Variants in PRR11 observed in about 807,000 individuals in gnomAD.
The protein encoded by PRR11 is proline-rich protein 11.
In PRR11, 30 loss-of-function variants were observed where a neutral mutation model predicts 45.6. The ratio of observed to expected loss-of-function variants is 0.66; its 90% CI spans 0.49 to 0.89. The LOEUF (loss-of-function observed/expected upper bound fraction) is 0.89, where lower values mean the gene tolerates loss of function less well. PRR11 is among the 40% of genes least tolerant of loss of function. The pLI is 0.00. For synonymous variants in PRR11, 128 were observed against 153.5 expected, an observed-to-expected ratio of 0.83 and a Z score of 1.23; for missense variants, 373 against 424.8, an observed-to-expected ratio of 0.88 and a Z score of 1.07.
chr17:59,160,202 C>T (rs2046644619), intron 1 of PRR11, among the ~76,000 whole-genome samples: 1 of 152,028 alleles, frequency 6.6e-6, no homozygotes, highest in Admixed American at 6.6e-5. Flanking sequence ...AAGTAAGTTC[C>T]TATTAATATT....
chr17:59,174,617 T>C (rs2046732083), intron 2 of PRR11, among the ~76,000 whole-genome samples: 1 of 152,158 alleles, frequency 6.6e-6, no homozygotes, highest in African/African-American at 2.4e-5. Context: ...TGTATTTTTA[T>C]GGAGAGGGGA....
In PRR11 at chr17:59,169,614, C is replaced by T. The variant is rs901721404; in HGVS notation, c.-5-134C>T. The T allele has an allele frequency of 5.1e-6, 4 of 780,842 alleles. No homozygotes were observed. The African/African-American group carries it at 7.0e-5, about 14-fold the overall frequency. The allele number at this position is 780,842 out of a possible 1,614,324, so 48.4% of individuals were successfully genotyped here. On this transcript the variant is annotated intron_variant, in intron 1 of 9. Coordinates refer to ENST00000262293, the MANE Select transcript of PRR11 (RefSeq NM_018304.4). Reference sequence around the variant, plus strand: ...GCTCTTCTGGGATGCTGGTAGTGACCTATTTCTTAACCAAGATGGTGGTTT... The same window carrying T: ...GCTCTTCTGGGATGCTGGTAGTGACTTATTTCTTAACCAAGATGGTGGTTT...
chr17:59,185,536 T>C lies in PRR11; in HGVS notation c.376T>C (p.Leu126=), dbSNP rs149771036. 5 of 1,610,534 alleles carry C rather than the reference T, an allele frequency of 3.1e-6. No homozygotes were observed. The highest frequency in any genetic ancestry group is 4.2e-6 in the Non-Finnish European group (5 of 1,179,064). The change falls in exon 4 of 10, where the codon TTA becomes CTA. Residue 126 remains leucine, a synonymous_variant. Coordinates refer to ENST00000262293, the MANE Select transcript of PRR11 (RefSeq NM_018304.4). ...ACAGTTTTGCATTTTGGAAAGTAAA[T>C]TATGCAAGCTCCAGGAAGCACTGAA... ...KQQFCILESK[L]CKLQEALKTI...
At chr17:59,185,015 T>A in intron 2 of PRR11, 39 bp from the exon 3 acceptor site, 1 of 1,591,500 alleles carries the variant, frequency 6.3e-7, no homozygotes, top group Non-Finnish European at 8.6e-7. Context: ...TATTCTGACT[T>A]AGGGGTTTTT....
Position 59,205,084 on chromosome 17 carries a change from A to G in PRR11, c.*3453A>G, listed in dbSNP as rs943603384. Among the ~76,000 whole-genome samples the G allele has an allele frequency of 6.6e-6, 1 of 152,194 alleles. No homozygotes were observed. The highest frequency in any genetic ancestry group is 1.5e-5 in the Non-Finnish European group (1 of 68,034). ...ATAATGAGGCCAGGCAAAAAAAAAAAAGTCCTGTGGAAATCATATAGACAA... is the reference window on the plus strand; with the variant it reads ...ATAATGAGGCCAGGCAAAAAAAAAAGAGTCCTGTGGAAATCATATAGACAA... On this transcript the variant is annotated 3_prime_UTR_variant, in exon 10 of 10. Coordinates refer to ENST00000262293, the MANE Select transcript of PRR11 (RefSeq NM_018304.4).
intron 4 of PRR11, among the ~76,000 whole-genome samples, chr17:59,189,332 A>G (rs1327884917): frequency 6.9e-6 from 1 of 145,666 alleles, no homozygotes; most frequent in Non-Finnish European, 1.5e-5. Flanking sequence ...AAAAAATAGA[A>G]TAATTTTTTT....
chr17:59,193,028 C>T (rs1195120186), intron 4 of PRR11, among the ~76,000 whole-genome samples: 2 of 152,206 alleles, frequency 1.3e-5, no homozygotes, highest in Non-Finnish European at 2.9e-5. Context: ...TGTTCATGCT[C>T]ATAGCACACT....
intron 1 of PRR11, among the ~76,000 whole-genome samples, chr17:59,161,884 G>A (rs1034625039): frequency 9.9e-5 from 15 of 152,254 alleles, no homozygotes; most frequent in Admixed American, 8.5e-4. Flanking sequence ...ATAAGTATAC[G>A]TATTTTAAGC....
intron 4 of PRR11, among the ~76,000 whole-genome samples, chr17:59,190,375 G>A (rs1382632906): frequency 6.6e-6 from 1 of 152,000 alleles, no homozygotes; most frequent in East Asian, 1.9e-4. Context: ...GGGAGGCTGA[G>A]GCAGGAGAAT....
In PRR11 at chr17:59,193,472, A is replaced by C; in HGVS notation, c.403-20A>C. 1 of 1,613,284 alleles carries C rather than the reference A, an allele frequency of 6.2e-7. No homozygotes were observed. The highest frequency in any genetic ancestry group is 8.5e-7 in the Non-Finnish European group (1 of 1,179,284). The stretch of plus-strand genomic sequence containing the variant: ...AAATTAACTTGTTATTTATTTGCCA[A>C]ATGTGATGTCTTCTTCCAGACCATC... On this transcript the variant is annotated intron_variant, in intron 4 of 9. Transcript: ENST00000262293.
chr17:59,183,790 A>G (rs1355657060), intron 2 of PRR11, among the ~76,000 whole-genome samples: 1 of 152,144 alleles, frequency 6.6e-6, no homozygotes, highest in Non-Finnish European at 1.5e-5. Context: ...TATCGCATGT[A>G]CAAAAAGACT....
intron 1 of PRR11, 137 bp from the exon 2 acceptor site, chr17:59,169,611 G>A: frequency 1.4e-6 from 1 of 732,316 alleles, no homozygotes; most frequent in Non-Finnish European, 2.1e-6. Context: ...TGCTGGTAGT[G>A]ACCTATTTCT....
At chr17:59,183,423 C>T (rs1040576883) in intron 2 of PRR11, among the ~76,000 whole-genome samples, 4 of 152,126 alleles carry the variant, frequency 2.6e-5, no homozygotes, top group African/African-American at 9.7e-5. Context: ...ACAAGAGATC[C>T]CAGGAACATT....
chr17:59,166,387 T>A (rs943307360), intron 1 of PRR11, among the ~76,000 whole-genome samples: 3 of 152,208 alleles, frequency 2.0e-5, no homozygotes, highest in African/African-American at 4.8e-5. Flanking sequence ...CTTCTGGAAC[T>A]TCAGCTCAAA....
intron 1 of PRR11, among the ~76,000 whole-genome samples, chr17:59,168,250 C>G (rs2046689367): frequency 6.6e-6 from 1 of 151,460 alleles, no homozygotes; most frequent in Admixed American, 6.6e-5. Flanking sequence ...CTCACTGCAA[C>G]CTCTGCCTCC....
Position 59,190,479 on chromosome 17 carries a change from C to CA in PRR11, c.403-3000dup, listed in dbSNP as rs1002787885. ...TGGGCGACACAGCAAGACTCCATCT[C>CA]AAAAAAAAAAAAAGAAAAAAGAATT... On this transcript the variant is annotated intron_variant, in intron 4 of 9. Coordinates refer to ENST00000262293, the MANE Select transcript of PRR11 (RefSeq NM_018304.4). Among the ~76,000 whole-genome samples the CA allele has an allele frequency of 7.6e-3, 964 of 126,482 alleles. 5 individuals carry two copies. The highest frequency in any genetic ancestry group is 0.02 in the Middle Eastern group (5 of 252). The allele number at this position is 126,482 out of a possible 152,430, so 83.0% of individuals were successfully genotyped here.
At chr17:59,157,709 A>C (rs1027596568) in intron 1 of PRR11, among the ~76,000 whole-genome samples, 7 of 141,100 alleles carry the variant, frequency 5.0e-5, no homozygotes, top group Non-Finnish European at 9.1e-5. Flanking sequence ...CCACCCCCCC[A>C]AAAAAAAAAA....
chr17:59,186,675 G>T (rs756008199), intron 4 of PRR11, among the ~76,000 whole-genome samples: 1 of 152,102 alleles, frequency 6.6e-6, no homozygotes, highest in African/African-American at 2.4e-5. Context: ...GATTGCAGGC[G>T]TGAGCCATGG....
chr17:59,174,793 C>G (rs556728059), intron 2 of PRR11, among the ~76,000 whole-genome samples: 6 of 152,272 alleles, frequency 3.9e-5, no homozygotes, highest in Admixed American at 1.3e-4. Flanking sequence ...AAACGCGGTG[C>G]GATCTCGTGC....
Sources: gnomAD v4.1 joint callset for allele counts (sites outside exome capture counted in the v4.1 genomes callset) on GRCh38, gnomAD v4.1.1 for gene constraint, MANE v1.5 for transcripts, NCBI Gene and HGNC (gene_info 2026-07-23, HGNC 2026-07-21) for gene names.